The following PAN3 variants were observed in gnomAD, a reference collection of about 807,000 sequenced individuals.
PAN3 encodes poly(A) specific ribonuclease subunit PAN3, also known as PAN2-PAN3 deadenylation complex subunit PAN3.
In PAN3, 19 loss-of-function variants were observed where a neutral mutation model predicts 96.2. That is an observed-to-expected ratio of 0.20 (90% CI 0.14 to 0.29). PAN3 has a LOEUF of 0.29. Among genes scored for constraint, PAN3 ranks in the 10% least tolerant of loss-of-function variants. PAN3 has a pLI of 1.00. For synonymous variants in PAN3, 433 were observed against 406.6 expected, an observed-to-expected ratio of 1.06 and a Z score of -0.78; for missense variants, 882 against 1,108.1, an observed-to-expected ratio of 0.80 and a Z score of 2.90.
intron 5 of PAN3, among the ~76,000 whole-genome samples, chr13:28,217,608 A>T (rs1487429622): frequency 6.6e-6 from 1 of 151,864 alleles, no homozygotes; most frequent in Non-Finnish European, 1.5e-5. Flanking sequence ...CAAAAAAAAA[A>T]TTGTGGGGTA....
At chr13:28,231,449 A>G (rs1566209075) in intron 6 of PAN3, among the ~76,000 whole-genome samples, 1 of 152,214 alleles carries the variant, frequency 6.6e-6, no homozygotes, top group Non-Finnish European at 1.5e-5. Flanking sequence ...AGTTTGGTCA[A>G]TAAGATTAAA....
At chr13:28,289,591 T>G (rs1218048029) in intron 18 of PAN3, among the ~76,000 whole-genome samples, 3 of 151,972 alleles carry the variant, frequency 2.0e-5, no homozygotes, top group Admixed American at 1.3e-4. Flanking sequence ...TTAGAAAAGG[T>G]TGGGAAAAGG....
chr13:28,274,724 T>A lies in PAN3; in HGVS notation c.2050-2513T>A, dbSNP rs571275596. Among the ~76,000 whole-genome samples, 14 of 152,330 alleles carry A rather than the reference T, an allele frequency of 9.2e-5. No homozygotes were observed. In the Middle Eastern group the frequency reaches 0.01, roughly 111 times the overall value. ...AACCTTCAATTAATTATCACCTGTT[T>A]ATTTTTTTCAGCATTAAAGGATATA... On this transcript the variant is annotated intron_variant, in intron 14 of 18. Transcript: ENST00000380958.
rs190419473 is a variant in PAN3, at chr13:28,263,400, G to A, written c.1411+1942G>A. 1.6e-4 allele frequency among the ~76,000 whole-genome samples: 25 copies of A among 152,286 alleles called. 1 individual carries two copies. The East Asian group carries it at 3.5e-3, about 21-fold the overall frequency. ...CAGGCTGGAGTACAGTGGCGTGATC[G>A]CAGCTCACTGCAACCTCCGCCTCCT... is the stretch of plus-strand genomic sequence containing the variant. On this transcript the variant is annotated intron_variant, in intron 9 of 18. Transcript: ENST00000380958.
intron 5 of PAN3, among the ~76,000 whole-genome samples, chr13:28,208,304 T>C (rs982805141): frequency 6.6e-6 from 1 of 152,172 alleles, no homozygotes; most frequent in African/African-American, 2.4e-5. Context: ...CTTGCCTCTT[T>C]GGAATGTTGT....
chr13:28,211,068 A>T (rs541617923), intron 5 of PAN3, among the ~76,000 whole-genome samples: 1,926 of 146,944 alleles, frequency 0.013, 18 homozygotes, highest in Middle Eastern at 0.021. Flanking sequence ...ATTTAAAAAA[A>T]TTTTTTTTTT....
chr13:28,218,664 C>T (rs762861227), intron 5 of PAN3, among the ~76,000 whole-genome samples: 5 of 151,932 alleles, frequency 3.3e-5, no homozygotes, highest in Non-Finnish European at 5.9e-5. Context: ...TACAGGGTCT[C>T]AAAAATAATA....
chr13:28,209,070 A>G (rs1472657290), intron 5 of PAN3, among the ~76,000 whole-genome samples: 1 of 152,228 alleles, frequency 6.6e-6, no homozygotes, highest in Non-Finnish European at 1.5e-5. Context: ...TAGCTATTAC[A>G]ATGTAAATGT....
intron 1 of PAN3, among the ~76,000 whole-genome samples, chr13:28,142,958 T>C (rs1870057819): frequency 6.6e-6 from 1 of 152,218 alleles, no homozygotes; most frequent in Non-Finnish European, 1.5e-5. Flanking sequence ...TTTCAGATAG[T>C]GTTAAAACCT....
chr13:28,214,923 G>C, intron 5 of PAN3: 1 of 1,265,896 alleles, frequency 7.9e-7, no homozygotes, highest in Non-Finnish European at 1.1e-6. Context: ...TGGCGACCAT[G>C]CCCTTCTGGC....
intron 6 of PAN3, among the ~76,000 whole-genome samples, chr13:28,253,631 C>T (rs1255429844): frequency 2.7e-5 from 4 of 148,962 alleles, no homozygotes; most frequent in East Asian, 2.0e-4. Context: ...GACAGGGTCT[C>T]GCTATGTTAC....
At chr13:28,203,064 G>A (rs1287240277) in intron 5 of PAN3, among the ~76,000 whole-genome samples, 1 of 151,682 alleles carries the variant, frequency 6.6e-6, no homozygotes, top group Non-Finnish European at 1.5e-5. Context: ...CCAGGCTCAA[G>A]CGATGCTCCC....
intron 1 of PAN3, among the ~76,000 whole-genome samples, chr13:28,145,434 C>T (rs1870505046): frequency 6.6e-6 from 1 of 152,078 alleles, no homozygotes; most frequent in African/African-American, 2.4e-5. Context: ...AAGCAATTCT[C>T]ATGCCATAGA....
At chr13:28,268,934 A>T (rs1013711130) in intron 12 of PAN3, among the ~76,000 whole-genome samples, 1 of 152,186 alleles carries the variant, frequency 6.6e-6, no homozygotes, top group Non-Finnish European at 1.5e-5. Context: ...CTGTAGACAC[A>T]TGCATAATTT....
intron 15 of PAN3, 87 bp from the exon 16 acceptor site, chr13:28,280,325 C>T (rs1406308926): frequency 9.2e-6 from 13 of 1,415,168 alleles, no homozygotes; most frequent in African/African-American, 2.9e-5. Context: ...GCTAAGATGA[C>T]GGCAGCCAAA....
At chr13:28,190,323 G>A (rs1419517898) in intron 4 of PAN3, among the ~76,000 whole-genome samples, 2 of 152,080 alleles carry the variant, frequency 1.3e-5, no homozygotes, top group African/African-American at 2.4e-5. Context: ...GCCCACTGCA[G>A]CTTTGAATTC....
intron 5 of PAN3, among the ~76,000 whole-genome samples, chr13:28,217,603 A>C (rs1184081736): frequency 6.8e-6 from 1 of 146,802 alleles, no homozygotes; most frequent in Non-Finnish European, 1.5e-5. Context: ...AAAAACAAAA[A>C]AAAAATTGTG....
chr13:28,282,170 A>T (rs1319356552), intron 17 of PAN3, among the ~76,000 whole-genome samples: 1 of 152,196 alleles, frequency 6.6e-6, no homozygotes, highest in Non-Finnish European at 1.5e-5. Flanking sequence ...TTTGTAAGTT[A>T]ATGTTAACCA....
At chr13:28,205,244 G>A (rs1474574630) in intron 5 of PAN3, among the ~76,000 whole-genome samples, 1 of 152,110 alleles carries the variant, frequency 6.6e-6, no homozygotes, top group African/African-American at 2.4e-5. Flanking sequence ...ATTGGACTTT[G>A]TAAAGGTGAA....
Sources: allele counts gnomAD v4.1 joint callset (sites outside exome capture counted in the v4.1 genomes callset), GRCh38; gene constraint gnomAD v4.1.1; transcripts MANE v1.5; gene names NCBI Gene and HGNC (gene_info 2026-07-23, HGNC 2026-07-21).